C3orf49: variants seen among roughly 807,000 people sequenced by gnomAD.
C3orf49 encodes the protein putative uncharacterized protein C3orf49.
Under a neutral mutation model 13.3 loss-of-function variants are expected in C3orf49, and 27 were observed. The ratio of observed to expected loss-of-function variants is 2.02; its 90% CI spans 1.49 to 2.79. The LOEUF (loss-of-function observed/expected upper bound fraction) is 2.79. Among genes scored for constraint, C3orf49 ranks in the 30% most tolerant of loss-of-function variants. The pLI, the probability that C3orf49 is intolerant of heterozygous loss-of-function variation, is 0.00. For synonymous variants in C3orf49, 87 were observed against 47.6 expected (o/e 1.83, Z -3.40); for missense variants, 242 against 134.2 (o/e 1.80, Z -3.97).
upstream of C3orf49, among the ~76,000 whole-genome samples, chr3:63,815,237 T>A (rs1277275140): frequency 6.6e-6 from 1 of 152,018 alleles, no homozygotes; most frequent in Non-Finnish European, 1.5e-5. Flanking sequence ...AACTGTATCA[T>A]CCCCTATATC....
At chr3:63,798,434 C>G in the C3orf49 span, among the ~76,000 whole-genome samples, 2 of 152,174 alleles carry the variant, frequency 1.3e-5, no homozygotes, top group South Asian at 2.1e-4. Context: ...TATAATACTT[C>G]TTTAGCAATA....
intron 2 of C3orf49, among the ~76,000 whole-genome samples, chr3:63,824,663 A>G (rs1031879299): frequency 6.6e-6 from 1 of 152,028 alleles, no homozygotes; most frequent in Non-Finnish European, 1.5e-5. Flanking sequence ...ATATGGTGAA[A>G]CCATCTCTAC....
the C3orf49 span, among the ~76,000 whole-genome samples, chr3:63,802,507 G>A: frequency 5.9e-5 from 9 of 152,166 alleles, no homozygotes; most frequent in African/African-American, 2.2e-4. Flanking sequence ...TGAAACTGCT[G>A]CATAATTGAA....
In C3orf49 at chr3:63,839,624, C is replaced by T. The variant is rs567448095; in HGVS notation, c.850-5399C>T. 4.4e-6 allele frequency: 7 copies of T among 1,582,918 alleles called. No individual in the cohort carries two copies. In the Admixed American group the frequency reaches 1.2e-4, roughly 26 times the overall value. On this transcript the variant is annotated intron_variant, in intron 5 of 6. Coordinates refer to ENST00000295896, the MANE Select transcript of C3orf49 (RefSeq NM_001355236.2). ...TAGGGCCTAAAATCACATTAGGACA[C>T]TGGTATGGAAACAACAGTGAAAATG... is the stretch of plus-strand genomic sequence containing the variant.
chr3:63,837,129 T>C (rs1323620092), intron 5 of C3orf49, among the ~76,000 whole-genome samples: 1 of 151,994 alleles, frequency 6.6e-6, no homozygotes. Flanking sequence ...GTTTTAGAAC[T>C]GAGCATATTA....
At chr3:63,789,001 C>G in the C3orf49 span, among the ~76,000 whole-genome samples, 4 of 152,020 alleles carry the variant, frequency 2.6e-5, no homozygotes, top group East Asian at 1.9e-4. Flanking sequence ...ATTGGCTAAT[C>G]ACTGATCACT....
At chr3:63,790,438 A>G in the C3orf49 span, among the ~76,000 whole-genome samples, 15 of 152,338 alleles carry the variant, frequency 9.8e-5, no homozygotes, top group African/African-American at 3.6e-4. Flanking sequence ...GCTATACAAT[A>G]GAACCACCTG....
intron 2 of C3orf49, among the ~76,000 whole-genome samples, chr3:63,826,252 G>A (rs1158711133): frequency 6.6e-6 from 1 of 152,166 alleles, no homozygotes; most frequent in Non-Finnish European, 1.5e-5. Context: ...AGATAGCTTT[G>A]GTTATCTTTT....
upstream of C3orf49, among the ~76,000 whole-genome samples, chr3:63,816,769 C>CTTT (rs543894356): frequency 2.5e-3 from 245 of 97,164 alleles, no homozygotes; most frequent in East Asian, 3.1e-3. Context: ...CTTTTCTTTT[C>CTTT]TTTTTTTTTT....
chr3:63,815,484 C>T (rs1050192600), upstream of C3orf49, among the ~76,000 whole-genome samples: 8 of 152,166 alleles, frequency 5.3e-5, no homozygotes, highest in Non-Finnish European at 8.8e-5. Context: ...CATAACTATG[C>T]CTTCCCCATG....
the C3orf49 span, among the ~76,000 whole-genome samples, chr3:63,794,243 C>G: frequency 0.037 from 5,632 of 151,934 alleles, 250 homozygotes; most frequent in African/African-American, 0.1. Context: ...ACTCTACTTG[C>G]CATTTTGAAT....
the C3orf49 span, among the ~76,000 whole-genome samples, chr3:63,791,194 G>A: frequency 3.3e-5 from 5 of 152,316 alleles, no homozygotes; most frequent in East Asian, 7.7e-4. Context: ...GGTATCCAAA[G>A]GGATATGGGA....
chr3:63,788,786 C>A, the C3orf49 span, among the ~76,000 whole-genome samples: 1 of 151,698 alleles, frequency 6.6e-6, no homozygotes, highest in Non-Finnish European at 1.5e-5. Flanking sequence ...TGCCCAGGGT[C>A]ACAAAGCTAG....
At chr3:63,831,311 G>T (rs1256765906) in intron 4 of C3orf49, 88 bp downstream of exon 4, 1 of 643,046 alleles carries the variant, frequency 1.6e-6, no homozygotes, top group African/African-American at 1.8e-5. Context: ...AGACAGCATG[G>T]GTGTGGGATG....
the C3orf49 span, among the ~76,000 whole-genome samples, chr3:63,807,984 G>T: frequency 6.6e-6 from 1 of 151,512 alleles, no homozygotes; most frequent in African/African-American, 2.4e-5. Flanking sequence ...ATTTGAGAAA[G>T]TTCTCACGCA....
intron 6 of C3orf49, among the ~76,000 whole-genome samples, chr3:63,847,846 C>T (rs1701932492): frequency 6.6e-6 from 1 of 152,184 alleles, no homozygotes; most frequent in Non-Finnish European, 1.5e-5. Flanking sequence ...AAATTCTAAG[C>T]CCTCCAGCCA....
At chr3:63,789,703 A>G in the C3orf49 span, among the ~76,000 whole-genome samples, 1 of 147,682 alleles carries the variant, frequency 6.8e-6, no homozygotes, top group Non-Finnish European at 1.5e-5. Context: ...CCCAGCTACT[A>G]GGGAGGCTGA....
chr3:63,834,063 C>T (rs1701574320), intron 5 of C3orf49: 6 of 1,500,908 alleles, frequency 4.0e-6, no homozygotes, highest in Admixed American at 1.8e-5. Context: ...AAGAGCATAC[C>T]ACATTTTAAA....
intron 5 of C3orf49, among the ~76,000 whole-genome samples, chr3:63,841,239 T>C (rs571202466): frequency 6.6e-6 from 1 of 152,186 alleles, no homozygotes; most frequent in Non-Finnish European, 1.5e-5. Flanking sequence ...CACACATGCA[T>C]GTGTGTATTC....
Sources: gnomAD v4.1 joint callset for allele counts (sites outside exome capture counted in the v4.1 genomes callset) on GRCh38, gnomAD v4.1.1 for gene constraint, MANE v1.5 for transcripts, NCBI Gene and HGNC (gene_info 2026-07-23, HGNC 2026-07-21) for gene names.